Variants in ARFGEF1 observed in about 807,000 individuals in gnomAD.
The protein encoded by ARFGEF1 is ARF guanine nucleotide exchange factor 1.
In ARFGEF1, 42 loss-of-function variants were observed where a neutral mutation model predicts 231.0. That is an observed-to-expected ratio of 0.18 (90% CI 0.14 to 0.24). ARFGEF1 has a LOEUF of 0.24. Ranked by LOEUF, ARFGEF1 falls within the 10% of genes least tolerant of loss-of-function variation. The pLI is 1.00. For synonymous variants in ARFGEF1, 710 were observed against 732.3 expected (o/e 0.97, Z 0.49); for missense variants, 1,345 against 2,192.0 (o/e 0.61, Z 7.72).
intron 5 of ARFGEF1, chr8:67,190,817 T>A: frequency 4.1e-6 from 5 of 1,225,590 alleles, no homozygotes; most frequent in Non-Finnish European, 6.0e-6. Context: ...GTCTGGGTTC[T>A]GACCTGTGCT....
intron 19 of ARFGEF1, among the ~76,000 whole-genome samples, chr8:67,245,027 G>A (rs1587125019): frequency 6.6e-6 from 1 of 150,824 alleles, no homozygotes; most frequent in Non-Finnish European, 1.5e-5. Context: ...TCTGGCAGCA[G>A]ACTATTCAGT....
intron 1 of ARFGEF1, among the ~76,000 whole-genome samples, chr8:67,339,805 G>GGGGGGGGGGGGGGGGGGT (rs79194289): frequency 1.1e-5 from 1 of 92,684 alleles, no homozygotes; most frequent in African/African-American, 4.0e-5. Context: ...CGGGGGGGGG[G>GGGGGGGGGGGGGGGGGGT]ATTCTTTCTT....
intron 7 of ARFGEF1, among the ~76,000 whole-genome samples, chr8:67,284,714 GAA>G (rs1467496436): frequency 1.3e-5 from 2 of 152,098 alleles, no homozygotes; most frequent in Non-Finnish European, 2.9e-5. Flanking sequence ...CTACAAATAG[GAA>G]CTTAAGACTA....
intron 2 of ARFGEF1, 64 bp from the exon 3 acceptor site, chr8:67,301,444 G>T: frequency 6.8e-7 from 1 of 1,475,338 alleles, no homozygotes; most frequent in Non-Finnish European, 9.1e-7. Flanking sequence ...ATAAACCCAT[G>T]TAGAAACACA....
In ARFGEF1 at chr8:67,217,820, G is replaced by C. The variant is rs762520131; in HGVS notation, c.4575C>G (p.Asn1525Lys). Residue 1525 changes from asparagine (N) to lysine (K), a missense_variant, in exon 32 of 39, where the codon AAC becomes AAG. By Grantham distance (94) the Asn-to-Lys change is moderately conservative. Around this residue, in one of 14 missense-constraint regions of ARFGEF1, gnomAD observed 54 missense variants for 86.5 expected, o/e 0.62. Transcript: ENST00000262215. ...FTLEIWDKTC[N>K]CTLDIFKTTI... is the part of the protein sequence containing the mutation. ...TGGTTTTGAAGATATCCAGTGTGCA[G>C]TTGCAAGTTTTATCCCAGATTTCTA... The C allele has an allele frequency of 6.2e-7, 1 of 1,613,992 alleles. No individual in the cohort carries two copies.
intron 5 of ARFGEF1, chr8:67,177,652 A>G: frequency 6.4e-7 from 1 of 1,556,038 alleles, no homozygotes; most frequent in Non-Finnish European, 8.8e-7. Context: ...TGACCTTTTA[A>G]TTTGCTTTTG....
intron 1 of ARFGEF1, among the ~76,000 whole-genome samples, chr8:67,313,118 G>A (rs958294693): frequency 4.6e-5 from 7 of 152,202 alleles, no homozygotes; most frequent in South Asian, 2.1e-4. Context: ...ACATTTAGCT[G>A]GGTGCGATAG....
chr8:67,191,710 A>T (rs1358695914), intron 5 of ARFGEF1, among the ~76,000 whole-genome samples: 1 of 152,174 alleles, frequency 6.6e-6, no homozygotes, highest in Non-Finnish European at 1.5e-5. Context: ...GCTAGTATGG[A>T]TACTATTAAT....
In ARFGEF1 at chr8:67,275,953, A is replaced by G. The variant is rs115754586; in HGVS notation, c.1337+23T>C. The G allele has an allele frequency of 7.8e-4, 1,255 of 1,611,708 alleles. 7 individuals are homozygous for G. The African/African-American group carries it at 0.015, about 19-fold the overall frequency. ...TCAAGCCTAAAAACCTCTATTTGTC[A>G]GGCAAAACAGTTAATAACTTACTTT... On this transcript the variant is annotated intron_variant, in intron 9 of 38. Transcript: ENST00000262215.
At chr8:67,187,507 C>A (rs1005053816) in intron 5 of ARFGEF1, among the ~76,000 whole-genome samples, 2 of 152,144 alleles carry the variant, frequency 1.3e-5, no homozygotes, top group South Asian at 4.2e-4. Context: ...CAAAACAACA[C>A]CTTGTCTCTA....
At chr8:67,244,900 C>T (rs1415283220) in intron 19 of ARFGEF1, among the ~76,000 whole-genome samples, 2 of 150,102 alleles carry the variant, frequency 1.3e-5, no homozygotes, top group East Asian at 3.9e-4. Flanking sequence ...ACAAATGTAA[C>T]CCAAAGACAA....
At chr8:67,264,577 A>T (rs927082133) in intron 14 of ARFGEF1, among the ~76,000 whole-genome samples, 2 of 152,176 alleles carry the variant, frequency 1.3e-5, no homozygotes, top group Non-Finnish European at 2.9e-5. Flanking sequence ...GCAGGAAGAA[A>T]GAAAAAACAG....
intron 29 of ARFGEF1, among the ~76,000 whole-genome samples, chr8:67,223,058 G>A (rs766385521): frequency 6.6e-6 from 1 of 152,198 alleles, no homozygotes; most frequent in Non-Finnish European, 1.5e-5. Context: ...GCATTGCAGA[G>A]AACATACTCC....
rs551483280 is a variant in ARFGEF1 at position 67,342,766 on chromosome 8, A to C, written c.124+398T>G. The stretch of plus-strand genomic sequence containing the variant: ...ATGATACGGAACCTTTCCCACACCC[A>C]ATCTTGACATACCAGCCCCACCTCA... On this transcript the variant is annotated intron_variant, in intron 1 of 38. Transcript: ENST00000262215. Among the ~76,000 whole-genome samples, 5 of 152,252 alleles carry C rather than the reference A, an allele frequency of 3.3e-5. 1 individual carries two copies. In the South Asian group the frequency reaches 8.3e-4, roughly 25 times the overall value.
intron 5 of ARFGEF1, among the ~76,000 whole-genome samples, chr8:67,191,754 C>A (rs1836314740): frequency 6.6e-6 from 1 of 152,144 alleles, no homozygotes; most frequent in Non-Finnish European, 1.5e-5. Flanking sequence ...TTTTATTACT[C>A]TCGAATATAT....
intron 23 of ARFGEF1, 44 bp downstream of exon 23, chr8:67,232,811 T>C (rs377566806): frequency 8.2e-5 from 119 of 1,445,936 alleles, no homozygotes; most frequent in Non-Finnish European, 1.1e-4. Context: ...GCTAAAGAAC[T>C]GAAATAGTAA....
In ARFGEF1 at chr8:67,199,377, C is replaced by G. The variant is rs561700689; in HGVS notation, c.5386-279G>C. ...AGCACTGTTTTTCCTGGGTAATAAG[C>G]AGCAGGCAAGTGAGTACAAACTAGA... On this transcript the variant is annotated intron_variant, in intron 38 of 38. Coordinates refer to ENST00000262215, the MANE Select transcript of ARFGEF1 (RefSeq NM_006421.5). 22 of 294,522 alleles carry G rather than the reference C, an allele frequency of 7.5e-5. No homozygotes were observed. In the East Asian group the frequency reaches 1.8e-3, roughly 24 times the overall value. The allele number at this position is 294,522 out of a possible 1,614,324, so 18.2% of individuals were successfully genotyped here. A position where few individuals can be genotyped will look rare whatever the true frequency, so the allele number is the denominator to read the frequency against.
In ARFGEF1 at chr8:67,259,930, G is replaced by C; in HGVS notation, c.2124-4C>G. On this transcript the variant is annotated splice_polypyrimidine_tract_variant and splice_region_variant and intron_variant, in intron 14 of 38. Transcript: ENST00000262215. Reference sequence around the variant, plus strand: ...TCTCTTTGGTTTCTTATTAAATCTAGATGATGTTAAATAAGAACATTAAAA... The same window carrying C: ...TCTCTTTGGTTTCTTATTAAATCTACATGATGTTAAATAAGAACATTAAAA... The C allele has an allele frequency of 6.4e-7, 1 of 1,561,538 alleles. No individual in the cohort carries two copies. Among genetic ancestry groups the C allele is most frequent in the Non-Finnish European group, 8.8e-7 (1 of 1,141,296 alleles).
At chr8:67,212,809 T>C (rs1043259536) in intron 33 of ARFGEF1, among the ~76,000 whole-genome samples, 1 of 152,214 alleles carries the variant, frequency 6.6e-6, no homozygotes, top group Non-Finnish European at 1.5e-5. Flanking sequence ...AAATGTATTA[T>C]CTTACTGAAG....
Sources: gnomAD v4.1 joint callset for allele counts (sites outside exome capture counted in the v4.1 genomes callset) on GRCh38, gnomAD v4.1.1 for gene constraint, gnomAD v4.1.1 regional missense constraint, MANE v1.5 for transcripts, NCBI Gene and HGNC (gene_info 2026-07-23, HGNC 2026-07-21) for gene names.